The following C3orf33 variants were observed in gnomAD, a reference collection of about 807,000 sequenced individuals.
The protein encoded by C3orf33 is mitochondrial inner membrane subdomain organizer 1.
Under a neutral mutation model 28.7 loss-of-function variants are expected in C3orf33, and 23 were observed. The observed-to-expected ratio is 0.80, with a 90% confidence interval of 0.58 to 1.13. C3orf33 has a LOEUF of 1.13. Ranked by LOEUF, C3orf33 falls within the 50% of genes most tolerant of loss-of-function variation. C3orf33 has a pLI of 0.00. For missense variants in C3orf33, 327 were observed against 353.4 expected (o/e 0.93, Z 0.60); for synonymous variants, 119 against 120.5 (o/e 0.99, Z 0.08).
intron 2 of C3orf33, among the ~76,000 whole-genome samples, chr3:155,791,535 A>G (rs879552397): frequency 6.6e-6 from 1 of 152,114 alleles, no homozygotes; most frequent in Non-Finnish European, 1.5e-5. Flanking sequence ...GGGGTCCCCA[A>G]GTCCAGGCTT....
chr3:155,803,154 T>C (rs1220947545), intron 1 of C3orf33, among the ~76,000 whole-genome samples: 2 of 152,148 alleles, frequency 1.3e-5, no homozygotes, highest in Non-Finnish European at 2.9e-5. Flanking sequence ...TTTTAAAGTG[T>C]TTCATTTAAA....
intron 2 of C3orf33, among the ~76,000 whole-genome samples, chr3:155,786,386 G>C (rs892300846): frequency 6.6e-6 from 1 of 152,100 alleles, no homozygotes; most frequent in African/African-American, 2.4e-5. Context: ...TAAAAAAAGA[G>C]AGAAAGGACT....
intron 2 of C3orf33, among the ~76,000 whole-genome samples, chr3:155,801,750 T>G (rs1440733909): frequency 6.6e-6 from 1 of 152,092 alleles, no homozygotes; most frequent in Non-Finnish European, 1.5e-5. Flanking sequence ...TTTTTTGTTT[T>G]GTTTTGTTTT....
At chr3:155,784,710 A>G (rs1271216517) in intron 2 of C3orf33, among the ~76,000 whole-genome samples, 1 of 152,058 alleles carries the variant, frequency 6.6e-6, no homozygotes, top group East Asian at 1.9e-4. Context: ...TGGGTGAGAG[A>G]GTAAGACTCT....
At chr3:155,781,354 A>G (rs1750918200) in intron 2 of C3orf33, among the ~76,000 whole-genome samples, 1 of 152,062 alleles carries the variant, frequency 6.6e-6, no homozygotes, top group Non-Finnish European at 1.5e-5. Flanking sequence ...AGCCAAACTC[A>G]TCTGTAACAC....
Position 155,763,026 on chromosome 3 carries a change from G to A in C3orf33, c.*491C>T, listed in dbSNP as rs1750282081. The A allele has an allele frequency of 6.6e-6, 1 of 152,286 alleles. No individual in the cohort carries two copies. Among genetic ancestry groups the A allele is most frequent in the African/African-American group, 2.4e-5 (1 of 41,384 alleles). The allele number at this position is 152,286 out of a possible 1,614,324, so 9.4% of individuals were successfully genotyped here. A position where few individuals can be genotyped will look rare whatever the true frequency, so the allele number is the denominator to read the frequency against. ...AAAAATGCAAAATTAGCCGGGCATG[G>A]TGGTGCATGCCTGTAATCCCAGCTA... On this transcript the variant is annotated 3_prime_UTR_variant, in exon 5 of 5. Transcript: ENST00000340171.
At chr3:155,763,948 AT>A in intron 4 of C3orf33, 30 bp from the exon 5 acceptor site, 1 of 1,322,822 alleles carries the variant, frequency 7.6e-7, no homozygotes, top group Admixed American at 3.7e-5. Context: ...CAAACCAATT[AT>A]TTAAGATAAT....
intron 2 of C3orf33, among the ~76,000 whole-genome samples, chr3:155,789,714 A>G (rs1368739283): frequency 6.6e-6 from 1 of 152,248 alleles, no homozygotes; most frequent in East Asian, 1.9e-4. Flanking sequence ...CCTGATTTCA[A>G]AACATATTTA....
At chr3:155,790,015 T>C (rs1751261056) in intron 2 of C3orf33, among the ~76,000 whole-genome samples, 1 of 151,564 alleles carries the variant, frequency 6.6e-6, no homozygotes, top group Non-Finnish European at 1.5e-5. Flanking sequence ...AATACAAAAA[T>C]TAGCCGGATG....
chr3:155,768,077 G>A (rs577429974), intron 3 of C3orf33, among the ~76,000 whole-genome samples: 2 of 152,002 alleles, frequency 1.3e-5, no homozygotes, highest in South Asian at 2.1e-4. Context: ...ACAGGGTCTC[G>A]TTATGTTGGC....
intron 2 of C3orf33, among the ~76,000 whole-genome samples, chr3:155,778,593 C>A (rs1750824818): frequency 6.6e-6 from 1 of 152,124 alleles, no homozygotes; most frequent in Admixed American, 6.6e-5. Context: ...TGTCAATATT[C>A]ACTCAAGAAT....
At chr3:155,799,811 CAGAG>C (rs1751587895) in intron 2 of C3orf33, among the ~76,000 whole-genome samples, 1 of 152,052 alleles carries the variant, frequency 6.6e-6, no homozygotes, top group Non-Finnish European at 1.5e-5. Flanking sequence ...GTAAGCCAAG[CAGAG>C]AGAGACAAAC....
chr3:155,782,787 C>G (rs1750965702), intron 2 of C3orf33, among the ~76,000 whole-genome samples: 1 of 152,172 alleles, frequency 6.6e-6, no homozygotes, highest in Non-Finnish European at 1.5e-5. Context: ...TAGACAGTAA[C>G]TTGAAGCCAT....
At chr3:155,792,077 C>T (rs1751331185) in intron 2 of C3orf33, among the ~76,000 whole-genome samples, 2 of 152,108 alleles carry the variant, frequency 1.3e-5, no homozygotes, top group Admixed American at 6.6e-5. Context: ...CCAGTGTTGG[C>T]CACAGTGGTG....
chr3:155,806,031 T>C (rs1751798651), intron 1 of C3orf33, 108 bp downstream of exon 1: 3 of 745,194 alleles, frequency 4.0e-6, no homozygotes, highest in Non-Finnish European at 5.8e-6. Flanking sequence ...CAGTTTTCTG[T>C]CGCTCCCCGG....
At chr3:155,790,328 TA>T (rs948470775) in intron 2 of C3orf33, among the ~76,000 whole-genome samples, 28 of 149,918 alleles carry the variant, frequency 1.9e-4, no homozygotes, top group Non-Finnish European at 3.3e-4. Flanking sequence ...TAAAACTCCT[TA>T]AAAAAAAATA....
At chr3:155,767,429 A>G (rs1750443869) in intron 4 of C3orf33, 80 bp downstream of exon 4, 1 of 1,140,276 alleles carries the variant, frequency 8.8e-7, no homozygotes, top group South Asian at 2.9e-5. Context: ...TTATATATCC[A>G]AAGTTCTAAT....
intron 2 of C3orf33, among the ~76,000 whole-genome samples, chr3:155,795,050 C>T (rs560772846): frequency 6.6e-6 from 1 of 152,150 alleles, no homozygotes; most frequent in Admixed American, 6.5e-5. Context: ...ACCAAATGGA[C>T]GTAGGATATT....
intron 3 of C3orf33, among the ~76,000 whole-genome samples, chr3:155,770,962 C>CTGTGTGTGTGTGTGTGTGTGTGTGTG (rs3068982): frequency 1.0e-4 from 13 of 129,994 alleles, no homozygotes; most frequent in African/African-American, 2.1e-4. Context: ...GCATGAACCA[C>CTGTGTGTGTGTGTGTGTGTGTGTGTG]TGTGTGTGTG....
Sources: allele counts gnomAD v4.1 joint callset (sites outside exome capture counted in the v4.1 genomes callset), GRCh38; gene constraint gnomAD v4.1.1; transcripts MANE v1.5; gene names NCBI Gene and HGNC (gene_info 2026-07-23, HGNC 2026-07-21).